The following CAPN5 variants were observed in gnomAD, a reference collection of about 807,000 sequenced individuals.
The protein encoded by CAPN5 is calpain-5.
A neutral mutation model predicts 73.0 loss-of-function variants in CAPN5; 54 were observed. That is an observed-to-expected ratio of 0.74 (90% CI 0.59 to 0.93). The LOEUF (loss-of-function observed/expected upper bound fraction) is 0.93, where lower values mean the gene tolerates loss of function less well. Among genes scored for constraint, CAPN5 ranks in the 40% least tolerant of loss-of-function variants. CAPN5 has a pLI of 0.00. For missense variants in CAPN5, 785 were observed against 882.9 expected (o/e 0.89, Z 1.41); for synonymous variants, 335 against 356.9 (o/e 0.94, Z 0.69).
Position 77,112,576 on chromosome 11 carries a change from T to TC in CAPN5, c.298-8dup, listed in dbSNP as rs782340134. On this transcript the variant is annotated splice_polypyrimidine_tract_variant and intron_variant, in intron 3 of 12. Transcript: ENST00000648180. ...CTGTGTTCCCCCATCCTATCCCCCCTCCCCCTACCCAGGTCATCCCAGACT... is the reference window on the plus strand; with the variant it reads ...CTGTGTTCCCCCATCCTATCCCCCCTCCCCCCTACCCAGGTCATCCCAGACT... 6.6e-7 allele frequency: 1 copy of TC among 1,511,828 alleles called. No individual in the cohort carries two copies. Among genetic ancestry groups the TC allele is most frequent in the Admixed American group, 1.7e-5 (1 of 58,876 alleles). 93.7% of individuals were successfully genotyped at this position (1,511,828 alleles called of 1,614,324 possible). A position where few individuals can be genotyped will look rare whatever the true frequency, so the allele number is the denominator to read the frequency against.
intron 1 of CAPN5, among the ~76,000 whole-genome samples, chr11:77,074,740 G>A (rs988676020): frequency 2.0e-5 from 3 of 152,190 alleles, no homozygotes; most frequent in East Asian, 3.9e-4. Flanking sequence ...GGTGTCACTG[G>A]CTCCTTCGGC....
Position 77,120,887 on chromosome 11 carries a change from A to G in CAPN5, c.1465A>G (p.Thr489Ala), listed in dbSNP as rs1555042719. The G allele has an allele frequency of 3.7e-6, 6 of 1,613,602 alleles. No homozygotes were observed. The highest frequency in any genetic ancestry group is 4.2e-6 in the Non-Finnish European group (5 of 1,179,668). The change falls in exon 10 of 13, where the codon ACT becomes GCT. Residue 489 changes from threonine to alanine, a missense_variant. Transcript: ENST00000648180. ...HTGEFLLRVFTDVPSNCRELR... is the reference protein window; with the variant it reads ...HTGEFLLRVFADVPSNCRELR... ...TGGCGAGTTCCTGCTCCGAGTCTTCACTGATGTGCCCTCCAACTGCCGGTA... is the reference window on the plus strand; with the variant it reads ...TGGCGAGTTCCTGCTCCGAGTCTTCGCTGATGTGCCCTCCAACTGCCGGTA...
At chr11:77,093,889 G>C (rs1950180713) in intron 3 of CAPN5, 76 bp downstream of exon 3, 2 of 1,559,078 alleles carry the variant, frequency 1.3e-6, no homozygotes, top group East Asian at 4.6e-5. Context: ...CAGACAGGCG[G>C]AACCTGATTG....
intron 3 of CAPN5, among the ~76,000 whole-genome samples, chr11:77,107,867 G>A (rs1950367793): frequency 6.6e-6 from 1 of 152,184 alleles, no homozygotes; most frequent in African/African-American, 2.4e-5. Context: ...TTCCCTCCCA[G>A]CCCTGAGGTT....
At chr11:77,119,242 C>A in intron 9 of CAPN5, 90 bp downstream of exon 9, 1 of 1,393,590 alleles carries the variant, frequency 7.2e-7, no homozygotes. Context: ...CGCTCTAGAA[C>A]ACCTTGGTCA....
At chr11:77,100,226 T>C (rs1295590271) in intron 3 of CAPN5, among the ~76,000 whole-genome samples, 1 of 152,182 alleles carries the variant, frequency 6.6e-6, no homozygotes, top group Non-Finnish European at 1.5e-5. Context: ...ACATCCAGCC[T>C]TGGGTGGGTC....
chr11:77,095,249 T>G (rs1214850697), intron 3 of CAPN5, among the ~76,000 whole-genome samples: 1 of 128,058 alleles, frequency 7.8e-6, no homozygotes, highest in Non-Finnish European at 1.7e-5. Flanking sequence ...GTGCTCTGGG[T>G]GTAGGGCCAG....
At chr11:77,098,067 C>G (rs1555037856) in intron 3 of CAPN5, among the ~76,000 whole-genome samples, 5 of 91,308 alleles carry the variant, frequency 5.5e-5, no homozygotes, top group Admixed American at 1.9e-4. Flanking sequence ...GCGCCCCTCA[C>G]CTCCCGGACG....
intron 7 of CAPN5, 38 bp downstream of exon 7, chr11:77,116,341 G>C: frequency 6.4e-7 from 1 of 1,564,248 alleles, no homozygotes; most frequent in Non-Finnish European, 8.8e-7. Flanking sequence ...GGGGCTGAGG[G>C]GGCTTCCCAC....
At chr11:77,105,472 G>A (rs923256574) in intron 3 of CAPN5, among the ~76,000 whole-genome samples, 5 of 152,212 alleles carry the variant, frequency 3.3e-5, no homozygotes, top group Non-Finnish European at 5.9e-5. Flanking sequence ...TCTGGGCGCC[G>A]CCGAGGGCTT....
intron 3 of CAPN5, among the ~76,000 whole-genome samples, chr11:77,100,346 A>T (rs1463653351): frequency 7.0e-6 from 1 of 143,324 alleles, no homozygotes; most frequent in Non-Finnish European, 1.5e-5. Context: ...GCCTCAGTCC[A>T]CCCCCTCTGC....
At chr11:77,079,496 A>G (rs76595505) in intron 1 of CAPN5, among the ~76,000 whole-genome samples, 4,250 of 151,872 alleles carry the variant, frequency 0.028, 198 homozygotes, top group African/African-American at 0.097. Context: ...TTACTATTCT[A>G]TTATATGAAT....
At chr11:77,122,535 C>CCACCCCCCCCCCCCCCCCCA in intron 11 of CAPN5, 41 bp from the exon 12 acceptor site, 5 of 1,255,170 alleles carry the variant, frequency 4.0e-6, no homozygotes, top group Non-Finnish European at 5.6e-6. Context: ...GCCACAGCCC[C>CCACCCCCCCCCCCCCCCCCA]CACCCCCACC....
intron 1 of CAPN5, among the ~76,000 whole-genome samples, chr11:77,072,300 A>G (rs1232387782): frequency 1.3e-5 from 2 of 152,068 alleles, no homozygotes; most frequent in African/African-American, 4.8e-5. Flanking sequence ...TTTTGTTGCT[A>G]CTTCCTCCAT....
At chr11:77,089,299 T>G (rs1218205169) in intron 2 of CAPN5, among the ~76,000 whole-genome samples, 1 of 152,208 alleles carries the variant, frequency 6.6e-6, no homozygotes, top group Non-Finnish European at 1.5e-5. Flanking sequence ...TTACCAGCAC[T>G]CTCCATGCCT....
At chr11:77,068,992 G>A (rs1177960731) in intron 1 of CAPN5, among the ~76,000 whole-genome samples, 11 of 152,154 alleles carry the variant, frequency 7.2e-5, no homozygotes, top group African/African-American at 1.9e-4. Flanking sequence ...CTGCTTCTGC[G>A]CCTGCTTTCC....
At chr11:77,072,170 C>G (rs1555033189) in intron 1 of CAPN5, among the ~76,000 whole-genome samples, 2 of 152,242 alleles carry the variant, frequency 1.3e-5, no homozygotes, top group Non-Finnish European at 2.9e-5. Flanking sequence ...TCTTCCCTCT[C>G]CCCTGCACCC....
intron 1 of CAPN5, among the ~76,000 whole-genome samples, chr11:77,070,076 A>C (rs1034393263): frequency 2.6e-5 from 4 of 152,058 alleles, no homozygotes; most frequent in Non-Finnish European, 5.9e-5. Flanking sequence ...GCTGTGGATG[A>C]TGTGTGCTTA....
At chr11:77,111,804 A>G (rs879946429) in intron 3 of CAPN5, among the ~76,000 whole-genome samples, 1 of 152,212 alleles carries the variant, frequency 6.6e-6, no homozygotes, top group Non-Finnish European at 1.5e-5. Context: ...GCCAAGGGCC[A>G]TGAGACTGAG....
Sources: allele counts gnomAD v4.1 joint callset (sites outside exome capture counted in the v4.1 genomes callset), GRCh38; gene constraint gnomAD v4.1.1; transcripts MANE v1.5; gene names NCBI Gene and HGNC (gene_info 2026-07-23, HGNC 2026-07-21).